The following SLC10A7 variants were observed in gnomAD, a reference collection of about 807,000 sequenced individuals.
SLC10A7 encodes the protein sodium/bile acid cotransporter 7.
A neutral mutation model predicts 43.2 loss-of-function variants in SLC10A7; 29 were observed. That is an observed-to-expected ratio of 0.67 (90% CI 0.50 to 0.92). The LOEUF (loss-of-function observed/expected upper bound fraction) is 0.92. Among genes scored for constraint, SLC10A7 ranks in the 40% least tolerant of loss-of-function variants. The pLI, the probability that SLC10A7 is intolerant of heterozygous loss-of-function variation, is 0.00. For missense variants in SLC10A7, 295 were observed against 403.2 expected (o/e 0.73, Z 2.30); for synonymous variants, 152 against 144.8 (o/e 1.05, Z -0.35).
Position 146,407,459 on chromosome 4 carries a change from C to T in SLC10A7, c.435+35324G>A, listed in dbSNP as rs79137607. On this transcript the variant is annotated intron_variant, in intron 5 of 11. Coordinates refer to ENST00000335472, the MANE Select transcript of SLC10A7 (RefSeq NM_001029998.6). ...ACAATACTGTATTATCAAGCATAGG[C>T]ATTATGTTGTACAAAAGATTTCTAG... Among the ~76,000 whole-genome samples, 179 of 152,240 alleles carry T rather than the reference C, an allele frequency of 1.2e-3. 2 individuals carry two copies. The East Asian group carries it at 0.021, about 18-fold the overall frequency.
chr4:146,451,108 C>T (rs1285323000), intron 4 of SLC10A7, among the ~76,000 whole-genome samples: 12 of 150,268 alleles, frequency 8.0e-5, no homozygotes, highest in African/African-American at 2.9e-4. Flanking sequence ...ATCTTTATGC[C>T]CTCAGAAAGA....
intron 4 of SLC10A7, among the ~76,000 whole-genome samples, chr4:146,462,777 A>T (rs1732655251): frequency 6.6e-6 from 1 of 152,180 alleles, no homozygotes. Context: ...AAAGAGGCCC[A>T]GCTGAACAAC....
intron 5 of SLC10A7, among the ~76,000 whole-genome samples, chr4:146,436,185 C>G (rs1730197666): frequency 6.6e-6 from 1 of 152,032 alleles, no homozygotes; most frequent in Non-Finnish European, 1.5e-5. Flanking sequence ...GTGACTAATG[C>G]ATTTACTTGC....
chr4:146,424,387 A>C (rs1398713363), intron 5 of SLC10A7, among the ~76,000 whole-genome samples: 1 of 152,176 alleles, frequency 6.6e-6, no homozygotes, highest in South Asian at 2.1e-4. Context: ...AGGGCTGGGC[A>C]CGGTGGCTCA....
chr4:146,464,506 G>A (rs990269961), intron 4 of SLC10A7, among the ~76,000 whole-genome samples: 5 of 151,926 alleles, frequency 3.3e-5, no homozygotes, highest in African/African-American at 9.7e-5. Context: ...TTATTAAATA[G>A]TGATTGCAGA....
chr4:146,375,098 C>CAG (rs1737094687), intron 5 of SLC10A7, among the ~76,000 whole-genome samples: 7 of 152,050 alleles, frequency 4.6e-5, no homozygotes, highest in African/African-American at 9.6e-5. Flanking sequence ...CCTAGCTACT[C>CAG]AGGAGGCTGA....
In SLC10A7 at chr4:146,255,499, T is replaced by C. The variant is rs1219130255; in HGVS notation, c.*992A>G. 4 of 152,632 alleles carry C rather than the reference T, an allele frequency of 2.6e-5. No individual in the cohort carries two copies. Among genetic ancestry groups the C allele is most frequent in the Admixed American group, 1.3e-4 (2 of 15,282 alleles). The allele number at this position is 152,632 out of a possible 1,614,324, so 9.5% of individuals were successfully genotyped here. ...GTCAAATCTGCCAAGGAAATTTTCA[T>C]TAATAAATTGTCTCAAATACCTTAA... On this transcript the variant is annotated 3_prime_UTR_variant, in exon 12 of 12. Coordinates refer to ENST00000335472, the MANE Select transcript of SLC10A7 (RefSeq NM_001029998.6).
At chr4:146,268,748 T>A (rs149467518) in intron 10 of SLC10A7, among the ~76,000 whole-genome samples, 1 of 152,246 alleles carries the variant, frequency 6.6e-6, no homozygotes, top group Non-Finnish European at 1.5e-5. Context: ...ACACACAGCA[T>A]CAGGACATAG....
chr4:146,384,742 A>G (rs530624445), intron 5 of SLC10A7, among the ~76,000 whole-genome samples: 1 of 152,172 alleles, frequency 6.6e-6, no homozygotes, highest in South Asian at 2.1e-4. Flanking sequence ...TTAAAATATA[A>G]TCCCCAATGT....
intron 4 of SLC10A7, among the ~76,000 whole-genome samples, chr4:146,445,573 T>C (rs1730981599): frequency 6.6e-6 from 1 of 152,164 alleles, no homozygotes; most frequent in Non-Finnish European, 1.5e-5. Flanking sequence ...CGTGGATGGC[T>C]AGGTGTTAAC....
At chr4:146,322,377 A>G (rs375906231) in intron 6 of SLC10A7, among the ~76,000 whole-genome samples, 1,553 of 35,032 alleles carry the variant, frequency 0.044, 38 homozygotes, top group African/African-American at 0.14. Flanking sequence ...CCCCTCCCCC[A>G]CCCCATAACA....
chr4:146,390,930 C>T (rs1738383660), intron 5 of SLC10A7, among the ~76,000 whole-genome samples: 1 of 152,022 alleles, frequency 6.6e-6, no homozygotes. Context: ...TTAGAAGAAA[C>T]TAACGCTCAG....
Position 146,505,453 on chromosome 4 carries a change from G to C in SLC10A7, c.321-1529C>G, listed in dbSNP as rs188113419. On this transcript the variant is annotated intron_variant, in intron 3 of 11. Coordinates refer to ENST00000335472, the MANE Select transcript of SLC10A7 (RefSeq NM_001029998.6). ...CAATGGTTAGGCTAATAGTAGTTAA[G>C]TTTTTGGGGAGTCAAAAGTTATATG... is the stretch of plus-strand genomic sequence containing the variant. 2.7e-3 allele frequency among the ~76,000 whole-genome samples: 413 copies of C among 152,226 alleles called. 4 individuals carry two copies. The highest frequency in any genetic ancestry group is 9.7e-3 in the African/African-American group (404 of 41,528).
chr4:146,365,611 A>G (rs1736335440), intron 5 of SLC10A7, among the ~76,000 whole-genome samples: 1 of 152,248 alleles, frequency 6.6e-6, no homozygotes, highest in African/African-American at 2.4e-5. Context: ...ATTGATGTTT[A>G]CCAAGTTAAT....
chr4:146,337,260 G>A (rs1215183567), intron 5 of SLC10A7, among the ~76,000 whole-genome samples: 1 of 152,070 alleles, frequency 6.6e-6, no homozygotes, highest in Non-Finnish European at 1.5e-5. Context: ...GAAGACTAGA[G>A]TATAAAGACA....
rs1736647744 is a variant in SLC10A7 at position 146,503,886 on chromosome 4, G to A, written c.359C>T (p.Ser120Phe). ...TVGCMPPPVSSAVILTKAVGG... is the reference protein window; with the variant it reads ...TVGCMPPPVSFAVILTKAVGG... The stretch of plus-strand genomic sequence containing the variant: ...AACTGCCTTGGTTAAAATCACTGCA[G>A]AAGACACAGGCGGAGGCATGCAACC... Residue 120 changes from serine to phenylalanine, a missense_variant, in exon 4 of 12, where the codon TCT (serine) becomes TTT (phenylalanine). Transcript: ENST00000335472. 1 of 1,614,168 alleles carries A rather than the reference G, an allele frequency of 6.2e-7. No individual in the cohort carries two copies. Among genetic ancestry groups the A allele is most frequent in the Non-Finnish European group, 8.5e-7 (1 of 1,180,018 alleles).
intron 5 of SLC10A7, among the ~76,000 whole-genome samples, chr4:146,348,414 C>T (rs1459914195): frequency 6.6e-6 from 1 of 152,096 alleles, no homozygotes. Context: ...GTTATTCTCC[C>T]TTTCTCTAGT....
chr4:146,331,799 CAGTT>C (rs1303543008), intron 5 of SLC10A7, among the ~76,000 whole-genome samples: 2 of 152,132 alleles, frequency 1.3e-5, no homozygotes, highest in Admixed American at 1.3e-4. Context: ...ATATCTTAAA[CAGTT>C]AGTGAAAAGT....
intron 5 of SLC10A7, among the ~76,000 whole-genome samples, chr4:146,433,259 T>A (rs1037484422): frequency 6.7e-6 from 1 of 150,102 alleles, no homozygotes; most frequent in African/African-American, 2.4e-5. Flanking sequence ...CCTCCTGGGT[T>A]CAAGTGATTC....
Sources: allele counts gnomAD v4.1 joint callset (sites outside exome capture counted in the v4.1 genomes callset), GRCh38; gene constraint gnomAD v4.1.1; transcripts MANE v1.5; gene names NCBI Gene and HGNC (gene_info 2026-07-23, HGNC 2026-07-21).